Variants in DCDC2C observed in about 807,000 individuals in gnomAD.
DCDC2C encodes the protein doublecortin domain containing 2C, also known as doublecortin domain-containing protein 2C.
DCDC2C carries 44 observed loss-of-function variants against 45.0 expected under a neutral mutation model. The ratio of observed to expected loss-of-function variants is 0.98; its 90% CI spans 0.77 to 1.26. The LOEUF is 1.26. Among genes scored for constraint, DCDC2C ranks in the 50% most tolerant of loss-of-function variants. DCDC2C has a pLI of 0.00. For missense variants in DCDC2C, 447 were observed against 468.9 expected, an observed-to-expected ratio of 0.95 and a Z score of 0.43; for synonymous variants, 187 against 178.8, an observed-to-expected ratio of 1.05 and a Z score of -0.37.
chr2:3,846,681 G>T (rs1216292333), intron 10 of DCDC2C, among the ~76,000 whole-genome samples: 1 of 152,132 alleles, frequency 6.6e-6, no homozygotes, highest in Non-Finnish European at 1.5e-5. Context: ...GAGTGGTCTT[G>T]GTACTAGGAG....
chr2:3,777,552 A>T (rs1670378126), intron 8 of DCDC2C, among the ~76,000 whole-genome samples: 1 of 152,208 alleles, frequency 6.6e-6, no homozygotes, highest in Admixed American at 6.5e-5. Context: ...CATTATGTTG[A>T]TTATTCTTTA....
Position 3,835,943 on chromosome 2 carries a change from T to C in DCDC2C, c.1066-11211T>C, listed in dbSNP as rs910315504. On this transcript the variant is annotated intron_variant, in intron 10 of 10. Coordinates refer to ENST00000399143, the MANE Select transcript of DCDC2C (RefSeq NM_001287444.2). ...TATTTTTGTAGAGACAGGGTCTTGC[T>C]ATGTTGCCCAGGCTGATCTCGAACT... 2.6e-5 allele frequency among the ~76,000 whole-genome samples: 4 copies of C among 152,060 alleles called. No individual in the cohort carries two copies. In the East Asian group the frequency reaches 7.7e-4, roughly 29 times the overall value.
chr2:3,843,116 A>G (rs1011611696), intron 10 of DCDC2C, among the ~76,000 whole-genome samples: 1 of 152,194 alleles, frequency 6.6e-6, no homozygotes, highest in Admixed American at 6.5e-5. Context: ...CTGTGATAGC[A>G]GGGGGAGAAG....
At chr2:3,834,180 A>G (rs1211451259) in intron 10 of DCDC2C, among the ~76,000 whole-genome samples, 1 of 151,546 alleles carries the variant, frequency 6.6e-6, no homozygotes, top group Non-Finnish European at 1.5e-5. Context: ...TGATGAACCA[A>G]CACTGACCCC....
chr2:3,717,448 C>T (rs531504017), intron 2 of DCDC2C, among the ~76,000 whole-genome samples: 1 of 152,236 alleles, frequency 6.6e-6, no homozygotes, highest in South Asian at 2.1e-4. Context: ...CAGAAACGCC[C>T]CCAGTCCCTC....
In DCDC2C at chr2:3,779,173, AT is replaced by A. The variant is rs1670438735; in HGVS notation, c.1023+290del. Among the ~76,000 whole-genome samples, 7 of 152,324 alleles carry A rather than the reference AT, an allele frequency of 4.6e-5. No individual in the cohort carries two copies. The South Asian group carries it at 1.4e-3, about 32-fold the overall frequency. ...AACTTTTCCCCCAGCAAGTTTCAAGATGTACTTTTAGCTGGGAACGTCCAGG... is the reference window on the plus strand; with the variant it reads ...AACTTTTCCCCCAGCAAGTTTCAAGAGTACTTTTAGCTGGGAACGTCCAGG... On this transcript the variant is annotated intron_variant, in intron 9 of 10. Coordinates refer to ENST00000399143, the MANE Select transcript of DCDC2C (RefSeq NM_001287444.2).
intron 2 of DCDC2C, among the ~76,000 whole-genome samples, chr2:3,711,651 G>A (rs1668213453): frequency 6.6e-6 from 1 of 152,152 alleles, no homozygotes; most frequent in Non-Finnish European, 1.5e-5. Context: ...CACCATGTGA[G>A]TTTATCATAA....
intron 1 of DCDC2C, among the ~76,000 whole-genome samples, chr2:3,707,166 A>C (rs1668085651): frequency 6.6e-6 from 1 of 152,214 alleles, no homozygotes; most frequent in African/African-American, 2.4e-5. Flanking sequence ...ACCTCAGGTC[A>C]TGGGCTGTCT....
At chr2:3,756,371 C>G (rs899704064) in intron 6 of DCDC2C, among the ~76,000 whole-genome samples, 3 of 152,226 alleles carry the variant, frequency 2.0e-5, no homozygotes, top group African/African-American at 7.2e-5. Flanking sequence ...CCCCTCCCTA[C>G]TGTGACACAC....
intron 2 of DCDC2C, among the ~76,000 whole-genome samples, chr2:3,718,946 C>T (rs1021164259): frequency 1.3e-5 from 2 of 152,174 alleles, no homozygotes; most frequent in African/African-American, 2.4e-5. Context: ...TTGCTAGCTA[C>T]AGAGCGCTGA....
intron 2 of DCDC2C, among the ~76,000 whole-genome samples, chr2:3,721,915 G>A (rs577164436): frequency 1.4e-4 from 22 of 152,306 alleles, no homozygotes; most frequent in African/African-American, 4.8e-4. Context: ...CAGCCATAGG[G>A]AACTATAAGT....
At chr2:3,725,177 A>G (rs1462470521) in intron 2 of DCDC2C, among the ~76,000 whole-genome samples, 2 of 152,070 alleles carry the variant, frequency 1.3e-5, no homozygotes, top group Admixed American at 6.5e-5. Flanking sequence ...AGGACACCAA[A>G]TGAATTTGGC....
At position 3,842,059 on chromosome 2, in the gene DCDC2C, G is replaced by A. The variant is rs563865854; in HGVS notation, c.1066-5095G>A. ...CCTTGTTCAAGATGAATCTGCAAGT[G>A]GACGGAGGCAGCAGGACTCATGTGC... On this transcript the variant is annotated intron_variant, in intron 10 of 10. Transcript: ENST00000399143. Among the ~76,000 whole-genome samples, 7 of 152,230 alleles carry A rather than the reference G, an allele frequency of 4.6e-5. No individual in the cohort carries two copies. The East Asian group carries it at 1.3e-3, about 29-fold the overall frequency.
At chr2:3,836,755 G>C in intron 10 of DCDC2C, among the ~76,000 whole-genome samples, 1 of 151,892 alleles carries the variant, frequency 6.6e-6, no homozygotes, top group Non-Finnish European at 1.5e-5. Flanking sequence ...CCAGCTACTC[G>C]GGAGGCTGAG....
chr2:3,837,514 C>A (rs1237963105), intron 10 of DCDC2C, among the ~76,000 whole-genome samples: 2 of 151,914 alleles, frequency 1.3e-5, no homozygotes, highest in Non-Finnish European at 2.9e-5. Flanking sequence ...ATGGTCAAGG[C>A]TAGGTTCTTT....
intron 10 of DCDC2C, among the ~76,000 whole-genome samples, chr2:3,817,119 A>G (rs541419061): frequency 6.6e-6 from 1 of 152,200 alleles, no homozygotes; most frequent in South Asian, 2.1e-4. Flanking sequence ...AGAAGGAGAA[A>G]AACTGCCGTG....
chr2:3,812,288 A>G (rs1415514452), intron 10 of DCDC2C, among the ~76,000 whole-genome samples: 1 of 151,820 alleles, frequency 6.6e-6, no homozygotes, highest in Non-Finnish European at 1.5e-5. Context: ...CAGGGATTCA[A>G]CTTCTTCCTT....
At chr2:3,736,906 A>G (rs1669047690) in intron 3 of DCDC2C, among the ~76,000 whole-genome samples, 1 of 152,172 alleles carries the variant, frequency 6.6e-6, no homozygotes, top group Non-Finnish European at 1.5e-5. Context: ...CCTCTTTATT[A>G]CCCTTTTCAA....
At chr2:3,817,047 T>G (rs577239299) in intron 10 of DCDC2C, among the ~76,000 whole-genome samples, 1 of 152,260 alleles carries the variant, frequency 6.6e-6, no homozygotes, top group South Asian at 2.1e-4. Flanking sequence ...ACCATTTGCC[T>G]TGTGTGGGAA....
Sources: allele counts gnomAD v4.1 joint callset (sites outside exome capture counted in the v4.1 genomes callset), GRCh38; gene constraint gnomAD v4.1.1; transcripts MANE v1.5; gene names NCBI Gene and HGNC (gene_info 2026-07-23, HGNC 2026-07-21).